ZNF827: variants seen among roughly 807,000 people sequenced by gnomAD.
ZNF827 encodes zinc finger protein 827.
ZNF827 carries 13 observed loss-of-function variants against 102.4 expected under a neutral mutation model. The observed-to-expected ratio is 0.13, with a 90% CI of 0.08 to 0.20. The LOEUF (loss-of-function observed/expected upper bound fraction) is 0.20. Among genes scored for constraint, ZNF827 ranks in the 10% least tolerant of loss-of-function variants. The pLI is 1.00. For missense variants in ZNF827, 1,103 were observed against 1,344.4 expected (o/e 0.82, Z 2.81); for synonymous variants, 523 against 536.2 (o/e 0.98, Z 0.34).
intron 1 of ZNF827, among the ~76,000 whole-genome samples, chr4:145,931,635 T>C (rs1372616492): frequency 3.3e-5 from 5 of 152,216 alleles, no homozygotes; most frequent in African/African-American, 1.2e-4. Context: ...AAATTACCAA[T>C]ACATCACTCA....
chr4:145,850,491 C>T (rs61538197), intron 5 of ZNF827, among the ~76,000 whole-genome samples: 140 of 152,278 alleles, frequency 9.2e-4, no homozygotes, highest in African/African-American at 3.2e-3. Context: ...AGCAATCTTA[C>T]AAGTTATAAT....
chr4:145,784,974 G>A lies in ZNF827; in HGVS notation c.2384-5463C>T, dbSNP rs112383241. ...TGCTTCCAGAAATTCCTGGCTACTCGGTATTATGTGATCAGATGTTTTTTC... is the reference window on the plus strand; with the variant it reads ...TGCTTCCAGAAATTCCTGGCTACTCAGTATTATGTGATCAGATGTTTTTTC... On this transcript the variant is annotated intron_variant, in intron 8 of 14. Transcript: ENST00000508784. 1.2e-3 allele frequency among the ~76,000 whole-genome samples: 182 copies of A among 152,170 alleles called. 1 individual carries two copies. Among genetic ancestry groups the A allele is most frequent in the African/African-American group, 4.1e-3 (172 of 41,528 alleles).
At chr4:145,854,787 G>A (rs189225546) in intron 5 of ZNF827, among the ~76,000 whole-genome samples, 7 of 152,162 alleles carry the variant, frequency 4.6e-5, no homozygotes, top group Non-Finnish European at 8.8e-5. Context: ...TCCCCTCTGT[G>A]AGCAGCCTTC....
chr4:145,774,337 T>C (rs1361361633), intron 11 of ZNF827, among the ~76,000 whole-genome samples, 169 bp downstream of exon 11: 1 of 152,048 alleles, frequency 6.6e-6, no homozygotes, highest in South Asian at 2.1e-4. Context: ...CAGGAAACAG[T>C]ATTATGACTA....
Position 145,762,728 on chromosome 4 carries a change from G to A in ZNF827, c.*17+362C>T, listed in dbSNP as rs749775620. The stretch of plus-strand genomic sequence containing the variant: ...CCAGAGGGGCCACGAGGAGTGGTGA[G>A]GCCATGTTAACAAACTCTGCTGAGC... On this transcript the variant is annotated intron_variant, in intron 14 of 14. Transcript: ENST00000508784. This position sits in a 1 kb window ranked among gnomAD's most constrained non-coding sequence, Gnocchi z 4.9. Among the ~76,000 whole-genome samples the A allele has an allele frequency of 3.3e-5, 5 of 152,308 alleles. No homozygotes were observed. The highest frequency in any genetic ancestry group is 1.2e-4 in the African/African-American group (5 of 41,556).
intron 1 of ZNF827, among the ~76,000 whole-genome samples, chr4:145,927,385 A>G (rs1365400009): frequency 6.6e-6 from 1 of 152,234 alleles, no homozygotes; most frequent in African/African-American, 2.4e-5. Flanking sequence ...TCAGCTTGAA[A>G]AGTATTTTCA....
At chr4:145,936,393 A>T (rs973711603) in intron 1 of ZNF827, among the ~76,000 whole-genome samples, 12 of 151,952 alleles carry the variant, frequency 7.9e-5, no homozygotes, top group African/African-American at 2.9e-4. Context: ...CATATGTGAT[A>T]TTATCCTCAG....
chr4:145,904,230 G>A (rs557594123), intron 1 of ZNF827, among the ~76,000 whole-genome samples: 4 of 152,224 alleles, frequency 2.6e-5, no homozygotes, highest in South Asian at 4.2e-4. Flanking sequence ...TTCAACACCC[G>A]ACTCAAAGGT....
In ZNF827 at chr4:145,760,842, G is replaced by A; in HGVS notation, c.*774C>T. 1 of 1,207,422 alleles carries A rather than the reference G, an allele frequency of 8.3e-7. No individual in the cohort carries two copies. Among genetic ancestry groups the A allele is most frequent in the Non-Finnish European group, 1.1e-6 (1 of 949,838 alleles). The allele number at this position is 1,207,422 out of a possible 1,614,324, so 74.8% of individuals were successfully genotyped here. On this transcript the variant is annotated 3_prime_UTR_variant, in exon 15 of 15. Coordinates refer to ENST00000508784, the MANE Select transcript of ZNF827 (RefSeq NM_001306215.2). ...CCAGGAAGGAGTGTTTGGGTGAGGG[G>A]ATGCTGGGAGGCGCAGTCTGAGGTC... is the stretch of plus-strand genomic sequence containing the variant.
At chr4:145,802,581 G>A (rs1741016433) in intron 8 of ZNF827, among the ~76,000 whole-genome samples, 1 of 152,224 alleles carries the variant, frequency 6.6e-6, no homozygotes, top group African/African-American at 2.4e-5. Flanking sequence ...TTACTAGCTA[G>A]CCCAGTGATG....
intron 8 of ZNF827, among the ~76,000 whole-genome samples, chr4:145,783,923 T>C (rs1738477648): frequency 6.6e-6 from 1 of 152,120 alleles, no homozygotes; most frequent in Non-Finnish European, 1.5e-5. Flanking sequence ...GGTGATTGGA[T>C]CATGGGGGTG....
At position 145,761,226 on chromosome 4, in the gene ZNF827, G is replaced by A. The variant is rs537093179; in HGVS notation, c.*390C>T. On this transcript the variant is annotated 3_prime_UTR_variant, in exon 15 of 15. Coordinates refer to ENST00000508784, the MANE Select transcript of ZNF827 (RefSeq NM_001306215.2). This position sits in a 1 kb window ranked among gnomAD's most constrained non-coding sequence, Gnocchi z 6.8. ...GCTTCTTGACGTGGCGGCTGAAGAC[G>A]AAAGGGTGTGTGGTCTTGAACAGGC... is the stretch of plus-strand genomic sequence containing the variant. The A allele has an allele frequency of 2.9e-4, 375 of 1,289,884 alleles. 1 individual carries two copies. The highest frequency in any genetic ancestry group is 6.4e-4 in the Middle Eastern group (3 of 4,696). 79.9% of individuals were successfully genotyped at this position (1,289,884 alleles called of 1,614,324 possible). A position where few individuals can be genotyped will look rare whatever the true frequency, so the allele number is the denominator to read the frequency against.
intron 1 of ZNF827, among the ~76,000 whole-genome samples, chr4:145,914,062 GAC>G (rs34866639): frequency 1.6e-3 from 241 of 148,004 alleles, no homozygotes; most frequent in African/African-American, 2.8e-3. Flanking sequence ...TTTCTTTGTA[GAC>G]ACACACACAC....
intron 6 of ZNF827, among the ~76,000 whole-genome samples, chr4:145,848,314 C>T (rs1746181288): frequency 1.3e-5 from 2 of 152,204 alleles, no homozygotes; most frequent in African/African-American, 2.4e-5. Flanking sequence ...CTGGAGGCCA[C>T]CATTTTCAGC....
Position 145,938,453 on chromosome 4 carries a change from A to G in ZNF827, c.-46T>C. 2 of 1,358,756 alleles carry G rather than the reference A, an allele frequency of 1.5e-6. No homozygotes were observed. The highest frequency in any genetic ancestry group is 2.0e-6 in the Non-Finnish European group (2 of 1,021,770). The allele number at this position is 1,358,756 out of a possible 1,614,324, so 84.2% of individuals were successfully genotyped here. A position where few individuals can be genotyped will look rare whatever the true frequency, so the allele number is the denominator to read the frequency against. Reference sequence around the variant, plus strand: ...CTCCTCCTTGGTTAATGTGAGATCAAATAAACCCCCGTGGGGGCAGAGAGG... The same window carrying G: ...CTCCTCCTTGGTTAATGTGAGATCAGATAAACCCCCGTGGGGGCAGAGAGG... On this transcript the variant is annotated 5_prime_UTR_variant, in exon 1 of 15. Transcript: ENST00000508784.
chr4:145,912,897 ATATAAG>A (rs934839127), intron 1 of ZNF827, among the ~76,000 whole-genome samples: 7 of 152,174 alleles, frequency 4.6e-5, no homozygotes, highest in Non-Finnish European at 1.0e-4. Context: ...AAGAAAACTA[ATATAAG>A]TATATTTGGA....
At chr4:145,910,462 G>C (rs1318960380) in intron 1 of ZNF827, among the ~76,000 whole-genome samples, 3 of 151,926 alleles carry the variant, frequency 2.0e-5, no homozygotes, top group Non-Finnish European at 4.4e-5. Flanking sequence ...CTTTCTCTCA[G>C]ACCCCACATC....
intron 5 of ZNF827, among the ~76,000 whole-genome samples, chr4:145,854,111 A>AACTAGGAGTTTGGAAGTCTTCCTC (rs1020044117): frequency 1.1e-4 from 17 of 152,016 alleles, no homozygotes; most frequent in South Asian, 6.2e-4. Flanking sequence ...TTATCTTCCA[A>AACTAGGAGTTTGGAAGTCTTCCTC]ACTAGGAGTT....
intron 10 of ZNF827, 60 bp downstream of exon 10, chr4:145,775,729 G>A: frequency 6.3e-7 from 1 of 1,595,650 alleles, no homozygotes; most frequent in East Asian, 2.2e-5. Context: ...CAGACAGGTA[G>A]GAAGTGTTGA....
Sources: gnomAD v4.1 joint callset for allele counts (sites outside exome capture counted in the v4.1 genomes callset) on GRCh38, gnomAD v4.1.1 for gene constraint, Gnocchi (gnomAD v3.1) non-coding constraint, MANE v1.5 for transcripts, NCBI Gene and HGNC (gene_info 2026-07-23, HGNC 2026-07-21) for gene names.